IL1RAPL1: variants seen among roughly 807,000 people sequenced by gnomAD.
IL1RAPL1 encodes the protein interleukin-1 receptor accessory protein-like 1.
In IL1RAPL1, 3 loss-of-function variants were observed where a neutral mutation model predicts 48.4. The observed-to-expected ratio is 0.06, with a 90% confidence interval of 0.03 to 0.16. The LOEUF is 0.16. Ranked by LOEUF, IL1RAPL1 falls within the 10% of genes least tolerant of loss-of-function variation. The pLI is 1.00. For synonymous variants in IL1RAPL1, 185 were observed against 187.7 expected (o/e 0.99, Z 0.12); for missense variants, 349 against 530.6 (o/e 0.66, Z 3.36).
chrX:28,611,586 A>G (rs1452413955), intron 1 of IL1RAPL1, among the ~76,000 whole-genome samples: 2 of 113,123 alleles, frequency 1.8e-5, no homozygotes, highest in African/African-American at 6.4e-5. Context: ...CATGGTTAGT[A>G]TAGTTACAAG....
At chrX:29,807,353 G>A (rs998317158) in intron 6 of IL1RAPL1, among the ~76,000 whole-genome samples, 1 of 109,181 alleles carries the variant, frequency 9.2e-6, no homozygotes, top group East Asian at 2.8e-4. Flanking sequence ...GGTGGCTCAC[G>A]CCTGTAATCC....
At chrX:29,334,990 A>G (rs1932963121) in intron 3 of IL1RAPL1, among the ~76,000 whole-genome samples, 1 of 112,544 alleles carries the variant, frequency 8.9e-6, no homozygotes, top group African/African-American at 3.2e-5. Flanking sequence ...GGCACCATTG[A>G]GCACTGAGTG....
chrX:29,862,531 A>G (rs1931609490), intron 6 of IL1RAPL1, among the ~76,000 whole-genome samples: 1 of 111,941 alleles, frequency 8.9e-6, no homozygotes, highest in Non-Finnish European at 1.9e-5. Context: ...GAGATTTATA[A>G]TGCATGAGAC....
At chrX:29,257,435 C>T (rs1227698027) in intron 2 of IL1RAPL1, among the ~76,000 whole-genome samples, 1 of 111,486 alleles carries the variant, frequency 9.0e-6, no homozygotes, top group African/African-American at 3.2e-5. Context: ...GCAACTTAAA[C>T]GATGTAGATA....
intron 2 of IL1RAPL1, among the ~76,000 whole-genome samples, chrX:29,020,741 G>C (rs1466799332): frequency 9.0e-6 from 1 of 111,471 alleles, no homozygotes; most frequent in African/African-American, 3.3e-5. Context: ...TGAGAACATA[G>C]GAGGGCTCTA....
chrX:29,584,514 G>C (rs1459163177), intron 5 of IL1RAPL1, among the ~76,000 whole-genome samples: 2 of 111,225 alleles, frequency 1.8e-5, no homozygotes, highest in African/African-American at 6.5e-5. Flanking sequence ...TTTGCTCAAA[G>C]TGTACTGGTG....
At chrX:28,730,947 C>A (rs185502016) in intron 1 of IL1RAPL1, among the ~76,000 whole-genome samples, 3 of 111,268 alleles carry the variant, frequency 2.7e-5, no homozygotes, top group Non-Finnish European at 1.9e-5. Flanking sequence ...GATCTTAGGG[C>A]CACTGAGATC....
intron 5 of IL1RAPL1, among the ~76,000 whole-genome samples, chrX:29,586,660 C>T (rs181789130): frequency 5.9e-4 from 65 of 111,069 alleles, no homozygotes; most frequent in Non-Finnish European, 1.0e-3. Flanking sequence ...ATTAATTCTT[C>T]CAATCCATGA....
intron 2 of IL1RAPL1, among the ~76,000 whole-genome samples, chrX:28,958,873 A>G (rs759715544): frequency 8.9e-6 from 1 of 111,733 alleles, no homozygotes; most frequent in Non-Finnish European, 1.9e-5. Flanking sequence ...CTTTAGTAAA[A>G]TAAAGAGAAA....
intron 5 of IL1RAPL1, among the ~76,000 whole-genome samples, chrX:29,463,153 G>T (rs956293346): frequency 8.4e-5 from 9 of 106,677 alleles, no homozygotes; most frequent in African/African-American, 3.1e-4. Context: ...TGCATAGAGA[G>T]ATTCACACAA....
intron 2 of IL1RAPL1, among the ~76,000 whole-genome samples, chrX:28,875,806 T>A (rs923108628): frequency 8.9e-6 from 1 of 112,110 alleles, no homozygotes; most frequent in Non-Finnish European, 1.9e-5. Context: ...CTTGTAACCT[T>A]ACATGTTGCT....
At chrX:29,734,748 T>C (rs745525646) in intron 6 of IL1RAPL1, among the ~76,000 whole-genome samples, 2 of 111,647 alleles carry the variant, frequency 1.8e-5, no homozygotes, top group African/African-American at 3.3e-5. Context: ...CTCCTTTTTT[T>C]CCCCCTTCCC....
chrX:29,167,691 C>G (rs1241385023), intron 2 of IL1RAPL1, among the ~76,000 whole-genome samples: 1 of 110,399 alleles, frequency 9.1e-6, no homozygotes, highest in African/African-American at 3.3e-5. Flanking sequence ...GATCTCTTTC[C>G]TGATCTATGG....
chrX:29,358,667 G>A (rs1315914699), intron 3 of IL1RAPL1, among the ~76,000 whole-genome samples: 3 of 110,260 alleles, frequency 2.7e-5, no homozygotes, highest in African/African-American at 9.9e-5. Flanking sequence ...CATCAACTCT[G>A]CTACTTATCA....
In IL1RAPL1 at chrX:29,942,419, G is replaced by A. The variant is rs1933145073; in HGVS notation, c.1201+625G>A. 5.4e-5 allele frequency among the ~76,000 whole-genome samples: 6 copies of A among 111,683 alleles called. No individual in the cohort carries two copies. The Admixed American group carries it at 5.7e-4, about 11-fold the overall frequency. ...TATTGTTTTGTGGAAATCATAATTA[G>A]TATTTGCTTCTGGTCACCAATGAAT... On this transcript the variant is annotated intron_variant, in intron 9 of 10. Coordinates refer to ENST00000378993, the MANE Select transcript of IL1RAPL1 (RefSeq NM_014271.4).
intron 1 of IL1RAPL1, among the ~76,000 whole-genome samples, chrX:28,683,847 C>T (rs1172033949): frequency 8.9e-6 from 1 of 112,191 alleles, no homozygotes; most frequent in Non-Finnish European, 1.9e-5. Context: ...AGTCTGACCT[C>T]TCCGTTCATC....
chrX:29,802,791 GTATA>G (rs1195101220), intron 6 of IL1RAPL1, among the ~76,000 whole-genome samples: 127 of 34,072 alleles, frequency 3.7e-3, no homozygotes, highest in South Asian at 9.5e-3. Flanking sequence ...ATGTGTGTGT[GTATA>G]TATATATATA....
intron 5 of IL1RAPL1, among the ~76,000 whole-genome samples, chrX:29,627,774 A>C (rs933984632): frequency 3.6e-5 from 4 of 112,009 alleles, no homozygotes; most frequent in Admixed American, 1.9e-4. Context: ...AGGAAAAGAC[A>C]CTTTAGTAAC....
At chrX:28,885,434 A>G (rs1028459122) in intron 2 of IL1RAPL1, among the ~76,000 whole-genome samples, 3 of 111,224 alleles carry the variant, frequency 2.7e-5, no homozygotes, top group East Asian at 5.6e-4. Context: ...TATTTGACTC[A>G]TTAGTGTTAT....
Sources: allele counts gnomAD v4.1 joint callset (sites outside exome capture counted in the v4.1 genomes callset), GRCh38; gene constraint gnomAD v4.1.1; transcripts MANE v1.5; gene names NCBI Gene and HGNC (gene_info 2026-07-23, HGNC 2026-07-21).